USP6NL: variants seen among roughly 807,000 people sequenced by gnomAD.
USP6NL encodes USP6 N-terminal like, also known as USP6 N-terminal-like protein.
A neutral mutation model predicts 61.9 loss-of-function variants in USP6NL; 26 were observed. The ratio of observed to expected loss-of-function variants is 0.42; its 90% CI spans 0.31 to 0.58. The LOEUF (loss-of-function observed/expected upper bound fraction) is 0.58, where lower values mean the gene tolerates loss of function less well. Ranked by LOEUF, USP6NL falls within the 20% of genes least tolerant of loss-of-function variation. USP6NL has a pLI of 0.16. For missense variants in USP6NL, 1,114 were observed against 1,034.3 expected, an observed-to-expected ratio of 1.08 and a Z score of -1.06; for synonymous variants, 432 against 390.1, an observed-to-expected ratio of 1.11 and a Z score of -1.27.
chr10:11,560,154 T>A (rs1836869894), intron 2 of USP6NL, among the ~76,000 whole-genome samples: 1 of 152,204 alleles, frequency 6.6e-6, no homozygotes, highest in Non-Finnish European at 1.5e-5. Context: ...ATTCCTAATT[T>A]CCCATTGTCT....
intron 2 of USP6NL, chr10:11,563,550 G>A (rs749373700): frequency 1.3e-5 from 2 of 151,690 alleles, no homozygotes; most frequent in African/African-American, 2.4e-5. Context: ...TAAAAATGGA[G>A]GAAACTGAGT....
Position 11,493,223 on chromosome 10 carries a change from T to C in USP6NL, c.390A>G (p.Leu130=). The change falls in exon 8 of 15, where the codon TTA becomes TTG. Residue 130 remains leucine (L), a synonymous_variant. Transcript: ENST00000609104. ...GTGAACAGCCCCGTGCTCTGTGTTT[T>C]AATTTCTGAAGAGAGAAAGAGAGAA... ...KEETRDLYSK[L]KHRARGCSPD... 6.2e-7 allele frequency: 1 copy of C among 1,607,376 alleles called. No homozygotes were observed. Among genetic ancestry groups the C allele is most frequent in the South Asian group, 1.1e-5 (1 of 89,468 alleles).
At position 11,518,552 on chromosome 10, in the gene USP6NL, T is replaced by A. The variant is rs1204474673; in HGVS notation, c.178A>T (p.Asn60Tyr). The A allele has an allele frequency of 5.0e-6, 8 of 1,613,106 alleles. No homozygotes were observed. Among genetic ancestry groups the A allele is most frequent in the Non-Finnish European group, 6.8e-6 (8 of 1,179,634 alleles). The change falls in exon 5 of 15, where the codon AAT becomes TAT. Residue 60 changes from asparagine to tyrosine, a missense_variant. Transcript: ENST00000609104. This position sits in a 1 kb window ranked among gnomAD's most constrained non-coding sequence, Gnocchi z 5.3. Reference sequence around the variant, plus strand: ...GGACTTACCCGTTCCACAGCCACATTATGATCTGGGAGCTCCTCCTCACTG... The same window carrying A: ...GGACTTACCCGTTCCACAGCCACATAATGATCTGGGAGCTCCTCCTCACTG... ...FLHEEELPDH[N>Y]VAVERQKHLE...
chr10:11,468,084 T>C lies in USP6NL; in HGVS notation c.1079-4235A>G, dbSNP rs1460927712. On this transcript the variant is annotated intron_variant, in intron 14 of 14. Transcript: ENST00000609104. The surrounding 1 kb of genome is among the most constrained non-coding windows in gnomAD (Gnocchi z 4.5). ...TCAAGTATGGCATCGCTTGATGGAG[T>C]CATGATGAGTGATCACCTTCTTTGC... Among the ~76,000 whole-genome samples, 3 of 152,096 alleles carry C rather than the reference T, an allele frequency of 2.0e-5. No homozygotes were observed. The highest frequency in any genetic ancestry group is 7.2e-5 in the African/African-American group (3 of 41,394).
At chr10:11,570,832 G>T (rs1837329511) in intron 2 of USP6NL, among the ~76,000 whole-genome samples, 1 of 152,140 alleles carries the variant, frequency 6.6e-6, no homozygotes, top group African/African-American at 2.4e-5. Flanking sequence ...GAGGACATTT[G>T]AAGGGAAAAC....
Position 11,478,900 on chromosome 10 carries a change from T to C in USP6NL, c.1078+2870A>G, listed in dbSNP as rs1046904535. Reference sequence around the variant, plus strand: ...CAGCCTAGGCAACAGAGTGAGACCCTGTCTCATGTTTAAAAAGTGTAACTG... The same window carrying C: ...CAGCCTAGGCAACAGAGTGAGACCCCGTCTCATGTTTAAAAAGTGTAACTG... On this transcript the variant is annotated intron_variant, in intron 14 of 14. Coordinates refer to ENST00000609104, the MANE Select transcript of USP6NL (RefSeq NM_014688.5). The surrounding 1 kb of genome is among the most constrained non-coding windows in gnomAD (Gnocchi z 6.8). Among the ~76,000 whole-genome samples, 5 of 138,072 alleles carry C rather than the reference T, an allele frequency of 3.6e-5. No individual in the cohort carries two copies. The highest frequency in any genetic ancestry group is 1.4e-4 in the Admixed American group (2 of 14,158). 90.6% of individuals were successfully genotyped at this position (138,072 alleles called of 152,430 possible).
In USP6NL at chr10:11,530,737, A is replaced by C. The variant is rs535699321; in HGVS notation, c.5-3170T>G. On this transcript the variant is annotated intron_variant, in intron 2 of 14. Coordinates refer to ENST00000609104, the MANE Select transcript of USP6NL (RefSeq NM_014688.5). ...CTGAGGAAACTAAATGAAAATGTTA[A>C]TCTTTGCCAATATTCAGTTTAGAGA... 2.0e-5 allele frequency among the ~76,000 whole-genome samples: 3 copies of C among 152,354 alleles called. No homozygotes were observed. In the South Asian group the frequency reaches 6.2e-4, roughly 32 times the overall value.
chr10:11,594,109 T>G (rs1310548516), intron 2 of USP6NL, among the ~76,000 whole-genome samples: 1 of 152,186 alleles, frequency 6.6e-6, no homozygotes, highest in Non-Finnish European at 1.5e-5. Flanking sequence ...TAATTTTTTT[T>G]TCTCAAAAAC....
In USP6NL at chr10:11,528,596, A is replaced by G. The variant is rs2133408753; in HGVS notation, c.5-1029T>C. Among the ~76,000 whole-genome samples the G allele has an allele frequency of 6.6e-6, 1 of 152,352 alleles. No individual in the cohort carries two copies. The highest frequency in any genetic ancestry group is 1.5e-5 in the Non-Finnish European group (1 of 68,032). ...CATAAAGCTAATAAACAGCAAAGACAGTTTTCAAATCCAGACAGTCTTGAC... is the reference window on the plus strand; with the variant it reads ...CATAAAGCTAATAAACAGCAAAGACGGTTTTCAAATCCAGACAGTCTTGAC... On this transcript the variant is annotated intron_variant, in intron 2 of 14. Transcript: ENST00000609104. This position sits in a 1 kb window ranked among gnomAD's most constrained non-coding sequence, Gnocchi z 4.6.
rs983712473 is a variant in USP6NL at position 11,548,433 on chromosome 10, A to G, written c.5-20866T>C. On this transcript the variant is annotated intron_variant, in intron 2 of 14. Coordinates refer to ENST00000609104, the MANE Select transcript of USP6NL (RefSeq NM_014688.5). This position sits in a 1 kb window ranked among gnomAD's most constrained non-coding sequence, Gnocchi z 4.3. ...TCAGACCTCTCTTAGAAGCTTTCTC[A>G]ATCTCAATACAGAGCTTGACATTTT... Among the ~76,000 whole-genome samples the G allele has an allele frequency of 2.0e-5, 3 of 152,192 alleles. No homozygotes were observed. Among genetic ancestry groups the G allele is most frequent in the African/African-American group, 7.2e-5 (3 of 41,448 alleles).
At position 11,587,645 on chromosome 10, in the gene USP6NL, TTTA is replaced by T. The variant is rs1384844947; in HGVS notation, c.4+9983_4+9985del. Reference sequence around the variant, plus strand: ...TTTATGTACAAATAGCTATAGCTGTTTTATTATTATAAAATAATTCGATTCAAT... The same window carrying T: ...TTTATGTACAAATAGCTATAGCTGTTTTATTATAAAATAATTCGATTCAAT... On this transcript the variant is annotated intron_variant, in intron 2 of 14. Transcript: ENST00000609104. This position sits in a 1 kb window ranked among gnomAD's most constrained non-coding sequence, Gnocchi z 4.5. 2.6e-5 allele frequency among the ~76,000 whole-genome samples: 4 copies of T among 152,218 alleles called. No individual in the cohort carries two copies. Among genetic ancestry groups the T allele is most frequent in the Admixed American group, 6.5e-5 (1 of 15,280 alleles).
At chr10:11,605,869 A>G (rs962036226) in intron 1 of USP6NL, among the ~76,000 whole-genome samples, 6 of 152,180 alleles carry the variant, frequency 3.9e-5, no homozygotes, top group African/African-American at 1.4e-4. Flanking sequence ...GGCAAAATAC[A>G]CAGAGGATTC....
Position 11,462,267 on chromosome 10 carries a change from CTT to C in USP6NL, c.*172_*173del. Reference sequence around the variant, plus strand: ...GTGATGATGCAATTGAAACGCTCATCTTAAGCAGCATCTACGTGGGGCTGAAG... The same window carrying C: ...GTGATGATGCAATTGAAACGCTCATCAAGCAGCATCTACGTGGGGCTGAAG... On this transcript the variant is annotated 3_prime_UTR_variant, in exon 15 of 15. Transcript: ENST00000609104. 1 of 771,400 alleles carries C rather than the reference CTT, an allele frequency of 1.3e-6. No homozygotes were observed. Among genetic ancestry groups the C allele is most frequent in the South Asian group, 2.0e-5 (1 of 49,964 alleles). 47.8% of individuals were successfully genotyped at this position (771,400 alleles called of 1,614,324 possible). A position where few individuals can be genotyped will look rare whatever the true frequency, so the allele number is the denominator to read the frequency against.
chr10:11,541,895 A>T (rs1429212819), intron 2 of USP6NL, among the ~76,000 whole-genome samples: 1 of 152,226 alleles, frequency 6.6e-6, no homozygotes. Flanking sequence ...AATTTTTTTT[A>T]ATTTTCCAAA....
rs1834066441 is a variant in USP6NL at position 11,499,091 on chromosome 10, C to T, written c.384+2010G>A. Among the ~76,000 whole-genome samples the T allele has an allele frequency of 6.6e-6, 1 of 152,120 alleles. No individual in the cohort carries two copies. On this transcript the variant is annotated intron_variant, in intron 7 of 14. Transcript: ENST00000609104. This position sits in a 1 kb window ranked among gnomAD's most constrained non-coding sequence, Gnocchi z 4.5. ...ATAATATGCTGGGTCCAAATAATTT[C>T]ACCCATCTGAGAAAAGTCTCGGCAG...
intron 14 of USP6NL, among the ~76,000 whole-genome samples, chr10:11,473,731 C>T (rs1055974933): frequency 2.6e-5 from 4 of 152,080 alleles, no homozygotes; most frequent in African/African-American, 9.7e-5. Flanking sequence ...CCTTGGTAAG[C>T]TACTAATAAT....
rs1838556155 is a variant in USP6NL at position 11,602,171 on chromosome 10, A to G, written c.-83-4454T>C. 6.6e-6 allele frequency among the ~76,000 whole-genome samples: 1 copy of G among 152,196 alleles called. No homozygotes were observed. Among genetic ancestry groups the G allele is most frequent in the South Asian group, 2.1e-4 (1 of 4,836 alleles). ...ATTTAAAATGTCTTAAAGAAATTCA[A>G]TGACAATGAATGAATAAACAACGAG... is the stretch of plus-strand genomic sequence containing the variant. On this transcript the variant is annotated intron_variant, in intron 1 of 14. Transcript: ENST00000609104. The surrounding 1 kb of genome is among the most constrained non-coding windows in gnomAD (Gnocchi z 4.8).
chr10:11,556,255 A>C (rs1012263661), intron 2 of USP6NL, among the ~76,000 whole-genome samples: 1 of 152,240 alleles, frequency 6.6e-6, no homozygotes, highest in Non-Finnish European at 1.5e-5. Context: ...TAAGTCAGGG[A>C]TTAATAATGT....
chr10:11,474,531 T>C lies in USP6NL; in HGVS notation c.1078+7239A>G, dbSNP rs1311861154. Among the ~76,000 whole-genome samples, 1 of 152,200 alleles carries C rather than the reference T, an allele frequency of 6.6e-6. No homozygotes were observed. The highest frequency in any genetic ancestry group is 2.4e-5 in the African/African-American group (1 of 41,450). ...AGTGGAACCAAACATTAAAGTTCCA[T>C]TAGACGAGAATGTTAAAATTTGCCA... On this transcript the variant is annotated intron_variant, in intron 14 of 14. Coordinates refer to ENST00000609104, the MANE Select transcript of USP6NL (RefSeq NM_014688.5). The surrounding 1 kb of genome is among the most constrained non-coding windows in gnomAD (Gnocchi z 4.9).
Sources: allele counts gnomAD v4.1 joint callset (sites outside exome capture counted in the v4.1 genomes callset), GRCh38; gene constraint gnomAD v4.1.1; non-coding constraint Gnocchi (gnomAD v3.1); transcripts MANE v1.5; gene names NCBI Gene and HGNC (gene_info 2026-07-23, HGNC 2026-07-21).